The following CECR2 variants were observed in gnomAD, a reference collection of about 807,000 sequenced individuals.
CECR2 encodes the protein chromatin remodeling regulator CECR2.
A neutral mutation model predicts 154.5 loss-of-function variants in CECR2; 30 were observed. The ratio of observed to expected loss-of-function variants is 0.19; its 90% CI spans 0.15 to 0.26. CECR2 has a LOEUF of 0.26. Ranked by LOEUF, CECR2 falls within the 10% of genes least tolerant of loss-of-function variation. CECR2 has a pLI of 1.00. For synonymous variants in CECR2, 725 were observed against 683.7 expected, an observed-to-expected ratio of 1.06 and a Z score of -0.94; for missense variants, 1,743 against 1,829.3, an observed-to-expected ratio of 0.95 and a Z score of 0.86.
chr22:17,377,032 G>A (rs1039282069), intron 1 of CECR2, among the ~76,000 whole-genome samples: 9 of 152,312 alleles, frequency 5.9e-5, no homozygotes, highest in African/African-American at 1.9e-4. Flanking sequence ...TGGGTTTCAG[G>A]TGCCCCATCT....
At chr22:17,445,952 C>A (rs1400401748) in intron 1 of CECR2, among the ~76,000 whole-genome samples, 2 of 152,074 alleles carry the variant, frequency 1.3e-5, no homozygotes, top group East Asian at 3.8e-4. Context: ...AGCTGTTACA[C>A]CATGTTGGTT....
chr22:17,535,129 C>T (rs1049260478), intron 9 of CECR2, among the ~76,000 whole-genome samples: 30 of 151,138 alleles, frequency 2.0e-4, no homozygotes, highest in African/African-American at 3.2e-4. Flanking sequence ...CCAGCCTGAG[C>T]GACAGAGTGA....
intron 1 of CECR2, among the ~76,000 whole-genome samples, chr22:17,395,763 A>G (rs2053799616): frequency 6.6e-6 from 1 of 152,176 alleles, no homozygotes; most frequent in African/African-American, 2.4e-5. Context: ...ATGCAAGTCC[A>G]ATTCCAGATT....
At chr22:17,428,798 T>TTTTGTGTGTG (rs367634017) in intron 1 of CECR2, among the ~76,000 whole-genome samples, 1 of 136,336 alleles carries the variant, frequency 7.3e-6, no homozygotes, top group African/African-American at 2.9e-5. Context: ...ATGTTTTTAT[T>TTTTGTGTGTG]TGTGTGTGTG....
intron 1 of CECR2, among the ~76,000 whole-genome samples, chr22:17,402,561 C>T (rs1273619885): frequency 1.3e-5 from 2 of 152,118 alleles, no homozygotes; most frequent in Admixed American, 1.3e-4. Context: ...AGATTTGGCC[C>T]TTGGATTGTA....
At chr22:17,455,742 G>A (rs1424241979) in intron 1 of CECR2, among the ~76,000 whole-genome samples, 7 of 152,208 alleles carry the variant, frequency 4.6e-5, no homozygotes, top group East Asian at 1.9e-4. Context: ...CTTTCCCCTC[G>A]GGAAACTACA....
In CECR2 at chr22:17,542,901, G is replaced by A. The variant is rs1278695778; in HGVS notation, c.2758G>A (p.Ala920Thr). Reference sequence around the variant, plus strand: ...TTTACCTGGCCCTTTTCCGCAGGTAGCTCACCCAATGTCAGTCACTGTGTC... The same window carrying A: ...TTTACCTGGCCCTTTTCCGCAGGTAACTCACCCAATGTCAGTCACTGTGTC... ...PRLPGPFPQV[A>T]HPMSVTVSAP... The change falls in exon 16 of 19, where the codon GCT (alanine) becomes ACT (threonine). Residue 920 changes from alanine to threonine, a missense_variant. Ala to Thr is a moderately conservative substitution (Grantham distance 58). Around this residue, in one of 4 missense-constraint regions of CECR2, gnomAD observed 1,250 missense variants for 1,192.1 expected, o/e 1.05. Coordinates refer to ENST00000262608, the MANE Select transcript of CECR2 (RefSeq NM_001290047.2). 2 of 1,613,906 alleles carry A rather than the reference G, an allele frequency of 1.2e-6. No individual in the cohort carries two copies. The highest frequency in any genetic ancestry group is 2.2e-5 in the East Asian group (1 of 44,864).
chr22:17,399,486 C>T (rs1407562453), intron 1 of CECR2, among the ~76,000 whole-genome samples: 6 of 148,164 alleles, frequency 4.0e-5, no homozygotes, highest in African/African-American at 7.5e-5. Context: ...GGCGTGATCT[C>T]GGCTCACTGC....
chr22:17,477,180 T>G (rs1417366938), intron 1 of CECR2: 2 of 718,040 alleles, frequency 2.8e-6, no homozygotes, highest in Admixed American at 2.0e-5. Context: ...TGACAAATGT[T>G]TCATAAACAA....
At position 17,426,400 on chromosome 22, in the gene CECR2, A is replaced by G. The variant is rs530955557; in HGVS notation, c.127-51188A>G. Among the ~76,000 whole-genome samples the G allele has an allele frequency of 3.3e-5, 5 of 151,932 alleles. No homozygotes were observed. The South Asian group carries it at 1.0e-3, about 32-fold the overall frequency. On this transcript the variant is annotated intron_variant, in intron 1 of 18. Coordinates refer to ENST00000262608, the MANE Select transcript of CECR2 (RefSeq NM_001290047.2). ...TGAGACGAGTCTCTCTCTGTCTCCC[A>G]GGCTGGAGTGCAGTGGCGCGATTTC...
chr22:17,398,406 G>A (rs1402361835), intron 1 of CECR2, among the ~76,000 whole-genome samples: 2 of 152,172 alleles, frequency 1.3e-5, no homozygotes, highest in Non-Finnish European at 2.9e-5. Flanking sequence ...TGTGGGACAT[G>A]TTGAATTTGA....
intron 1 of CECR2, among the ~76,000 whole-genome samples, chr22:17,457,557 T>C (rs547305549): frequency 1.4e-4 from 22 of 152,328 alleles, no homozygotes; most frequent in African/African-American, 4.8e-4. Flanking sequence ...CTTTCTCCAT[T>C]TTGTCCACTG....
intron 1 of CECR2, among the ~76,000 whole-genome samples, chr22:17,458,670 C>A (rs777497458): frequency 2.0e-5 from 3 of 152,006 alleles, no homozygotes; most frequent in Non-Finnish European, 2.9e-5. Flanking sequence ...ATAGTAAAAT[C>A]TAACAGAAAA....
At chr22:17,364,349 A>C (rs1175115238) in intron 1 of CECR2, among the ~76,000 whole-genome samples, 1 of 148,996 alleles carries the variant, frequency 6.7e-6, no homozygotes, top group African/African-American at 2.5e-5. Context: ...TCTCAAAAAA[A>C]AAAAAAAAAA....
At chr22:17,435,977 CTCTG>C (rs1194254002) in intron 1 of CECR2, among the ~76,000 whole-genome samples, 3 of 152,094 alleles carry the variant, frequency 2.0e-5, no homozygotes, top group Admixed American at 6.5e-5. Flanking sequence ...CCCTCCCTCC[CTCTG>C]TCTGTCTCGC....
At position 17,524,160 on chromosome 22, in the gene CECR2, G is replaced by C. The variant is rs764220976; in HGVS notation, c.997G>C (p.Glu333Gln). 1.9e-6 allele frequency: 3 copies of C among 1,603,856 alleles called. No individual in the cohort carries two copies. Among genetic ancestry groups the C allele is most frequent in the Non-Finnish European group, 2.6e-6 (3 of 1,175,326 alleles). ...CAGAATAGAAAAACAAAAGCGCAAA[G>C]AGGAGGAAGAAGAGCGTCAGATTCT... The part of the protein sequence containing the change: ...LTRIEKQKRK[E>Q]EEEERQILLA... Residue 333 changes from glutamate to glutamine, a missense_variant, in exon 9 of 19, where the codon GAG (glutamate) becomes CAG (glutamine). By Grantham distance (29) the Glu-to-Gln change is conservative. Transcript: ENST00000262608.
chr22:17,537,357 A>G lies in CECR2; in HGVS notation c.1238+125A>G, dbSNP rs1463383786. On this transcript the variant is annotated intron_variant, in intron 10 of 18. Transcript: ENST00000262608. ...GTAACATGGTCACCATGTGTGAGTG[A>G]ACAGGGCGGGCCCTGCACACACAGA... The G allele has an allele frequency of 2.6e-6, 3 of 1,155,196 alleles. No individual in the cohort carries two copies. The African/African-American group carries it at 4.6e-5, about 18-fold the overall frequency. 71.6% of individuals were successfully genotyped at this position (1,155,196 alleles called of 1,614,324 possible).
intron 1 of CECR2, among the ~76,000 whole-genome samples, chr22:17,382,089 G>C (rs183265611): frequency 6.6e-6 from 1 of 150,602 alleles, no homozygotes; most frequent in Non-Finnish European, 1.5e-5. Context: ...ACGAGGTTTC[G>C]CCGTGTTAGC....
At chr22:17,512,572 G>C (rs958100691) in intron 8 of CECR2, among the ~76,000 whole-genome samples, 1 of 151,446 alleles carries the variant, frequency 6.6e-6, no homozygotes, top group Admixed American at 6.6e-5. Context: ...GTGTGGTGGC[G>C]GGCACCTGTA....
Sources: allele counts gnomAD v4.1 joint callset (sites outside exome capture counted in the v4.1 genomes callset), GRCh38; gene constraint gnomAD v4.1.1; regional missense constraint gnomAD v4.1.1; transcripts MANE v1.5; gene names NCBI Gene and HGNC (gene_info 2026-07-23, HGNC 2026-07-21).